Variants in TIAM2 observed in about 807,000 individuals in gnomAD.
The protein encoded by TIAM2 is TIAM Rac1 associated GEF 2.
TIAM2 carries 80 observed loss-of-function variants against 152.9 expected under a neutral mutation model. The observed-to-expected ratio is 0.52, with a 90% CI of 0.44 to 0.63. The LOEUF (loss-of-function observed/expected upper bound fraction) is 0.63, where lower values mean the gene tolerates loss of function less well. Ranked by LOEUF, TIAM2 falls within the 30% of genes least tolerant of loss-of-function variation. TIAM2 has a pLI of 0.00. For missense variants in TIAM2, 1,965 were observed against 2,120.1 expected (o/e 0.93, Z 1.44); for synonymous variants, 804 against 838.0 (o/e 0.96, Z 0.70).
At chr6:155,081,486 A>T (rs1485873156) in intron 1 of TIAM2, among the ~76,000 whole-genome samples, 1 of 151,958 alleles carries the variant, frequency 6.6e-6, no homozygotes, top group Non-Finnish European at 1.5e-5. Context: ...AATGAGGTAA[A>T]GTTACCGTTT....
intron 7 of TIAM2, among the ~76,000 whole-genome samples, chr6:155,153,808 G>A (rs1780036292): frequency 6.6e-6 from 1 of 152,012 alleles, no homozygotes; most frequent in African/African-American, 2.4e-5. Flanking sequence ...TTTTAGTAGA[G>A]ATGGGGTTTC....
At chr6:154,996,170 C>T (rs2114829324) in intron 1 of TIAM2, among the ~76,000 whole-genome samples, 1 of 152,344 alleles carries the variant, frequency 6.6e-6, no homozygotes, top group East Asian at 1.9e-4. Context: ...GTCCATTCTT[C>T]CAGCCATTCG....
chr6:155,241,527 C>CT (rs1331879893), intron 16 of TIAM2, among the ~76,000 whole-genome samples: 1 of 152,166 alleles, frequency 6.6e-6, no homozygotes, highest in African/African-American at 2.4e-5. Flanking sequence ...TCTTCCAACT[C>CT]TGACGTGCTG....
At chr6:155,165,577 G>A (rs7749822) in intron 9 of TIAM2, among the ~76,000 whole-genome samples, 168 bp downstream of exon 9, 17,548 of 152,158 alleles carry the variant, frequency 0.12, 1,081 homozygotes, top group Middle Eastern at 0.16. Flanking sequence ...AGGCAGGAGG[G>A]CCACCTGAGC....
chr6:155,168,982 G>GTT, intron 9 of TIAM2: 11 of 1,340,020 alleles, frequency 8.2e-6, no homozygotes, highest in East Asian at 2.6e-5. Context: ...AACTTTTTCT[G>GTT]TTTTTTTTTG....
At chr6:155,175,082 T>C (rs914114886) in intron 9 of TIAM2, among the ~76,000 whole-genome samples, 2 of 152,186 alleles carry the variant, frequency 1.3e-5, no homozygotes, top group Admixed American at 6.5e-5. Context: ...GCAGAGAGTG[T>C]CCGGGCTGGT....
chr6:155,051,529 A>C (rs941899864), intron 1 of TIAM2, among the ~76,000 whole-genome samples: 1 of 152,184 alleles, frequency 6.6e-6, no homozygotes, highest in Admixed American at 6.5e-5. Flanking sequence ...GCCAGGACGG[A>C]GACCCAAATC....
chr6:155,256,682 A>AT lies in TIAM2; in HGVS notation c.4671dup (p.Ala1558CysfsTer9), dbSNP rs1402898929. 6.2e-7 allele frequency: 1 copy of AT among 1,614,204 alleles called. No individual in the cohort carries two copies. Among genetic ancestry groups the AT allele is most frequent in the Admixed American group, 1.7e-5 (1 of 60,030 alleles). ...AAATACCCACACCCCGGCTTGGCAG[A>AT]TTTTGCCGACAATCTCATCAAAGAG... On this transcript the variant is annotated frameshift_variant, in exon 27 of 27. Transcript: ENST00000682666. LOFTEE classifies it low-confidence loss of function (END_TRUNC).
At chr6:155,223,052 T>C (rs1782112638) in intron 15 of TIAM2, among the ~76,000 whole-genome samples, 1 of 152,194 alleles carries the variant, frequency 6.6e-6, no homozygotes, top group South Asian at 2.1e-4. Context: ...AGGAACTTAT[T>C]TCAAGCAGAC....
At chr6:155,222,207 G>C (rs1414340680) in intron 15 of TIAM2, among the ~76,000 whole-genome samples, 1 of 151,966 alleles carries the variant, frequency 6.6e-6, no homozygotes, top group Non-Finnish European at 1.5e-5. Flanking sequence ...ACACTCTTCA[G>C]CCTCCCAAAG....
At chr6:155,068,028 C>T (rs1249002188) in intron 1 of TIAM2, among the ~76,000 whole-genome samples, 2 of 152,266 alleles carry the variant, frequency 1.3e-5, no homozygotes, top group Non-Finnish European at 2.9e-5. Flanking sequence ...AGTCAAGTTT[C>T]AGGCTAAGAA....
intron 1 of TIAM2, among the ~76,000 whole-genome samples, chr6:155,056,316 C>T (rs994811946): frequency 8.6e-5 from 13 of 151,280 alleles, no homozygotes; most frequent in African/African-American, 1.7e-4. Context: ...GGACTGTCGG[C>T]GCCTACCACC....
Position 155,028,161 on chromosome 6 carries a change from C to T in TIAM2, c.-209+32669C>T, listed in dbSNP as rs1200114531. Among the ~76,000 whole-genome samples, 2 of 109,336 alleles carry T rather than the reference C, an allele frequency of 1.8e-5. 1 individual carries two copies. Among genetic ancestry groups the T allele is most frequent in the Non-Finnish European group, 3.6e-5 (2 of 55,332 alleles). The allele number at this position is 109,336 out of a possible 152,430, so 71.7% of individuals were successfully genotyped here. ...TAATATATGTACTGTTACATATATA[C>T]TACATATAATATATGTACTGTGTTA... On this transcript the variant is annotated intron_variant, in intron 1 of 26. Transcript: ENST00000682666.
intron 14 of TIAM2, among the ~76,000 whole-genome samples, chr6:155,199,818 G>T (rs867181514): frequency 6.6e-6 from 1 of 152,190 alleles, no homozygotes; most frequent in East Asian, 1.9e-4. Context: ...ATAATAGCAG[G>T]CTGTCTCAAT....
intron 1 of TIAM2, among the ~76,000 whole-genome samples, chr6:155,073,928 G>T (rs1431630472): frequency 1.3e-5 from 2 of 152,090 alleles, no homozygotes; most frequent in Non-Finnish European, 2.9e-5. Flanking sequence ...TCCCTTTGAG[G>T]CTGGTAGGTG....
chr6:155,082,770 C>T (rs537950624), intron 1 of TIAM2, among the ~76,000 whole-genome samples: 10 of 152,000 alleles, frequency 6.6e-5, no homozygotes, highest in Admixed American at 6.6e-4. Context: ...TTTGGTAGTT[C>T]CTTTAGCTGT....
chr6:155,087,021 G>T (rs1298051253), intron 1 of TIAM2, among the ~76,000 whole-genome samples: 1 of 152,156 alleles, frequency 6.6e-6, no homozygotes, highest in Non-Finnish European at 1.5e-5. Context: ...CGAGGCAATT[G>T]CCTATATCAG....
rs773325718 is a variant in TIAM2, at chr6:155,186,501, C to G, written c.3064+3001C>G. Among the ~76,000 whole-genome samples, 19 of 152,170 alleles carry G rather than the reference C, an allele frequency of 1.2e-4. No homozygotes were observed. Among genetic ancestry groups the G allele is most frequent in the Admixed American group, 3.3e-4 (5 of 15,284 alleles). On this transcript the variant is annotated intron_variant, in intron 14 of 26. Coordinates refer to ENST00000682666, the MANE Select transcript of TIAM2 (RefSeq NM_012454.4). The surrounding 1 kb of genome is among the most constrained non-coding windows in gnomAD (Gnocchi z 4.5). Reference sequence around the variant, plus strand: ...TCTGTACTCAAGTCCTTGACTCAGACTCTGCTTTTAGGGGAGCCCGAATGA... The same window carrying G: ...TCTGTACTCAAGTCCTTGACTCAGAGTCTGCTTTTAGGGGAGCCCGAATGA...
At chr6:155,250,451 G>A in intron 21 of TIAM2, 2 of 1,130,490 alleles carry the variant, frequency 1.8e-6, no homozygotes, top group Non-Finnish European at 2.5e-6. Context: ...AAGTAGCATA[G>A]TTTAGGGAGA....
Sources: allele counts gnomAD v4.1 joint callset (sites outside exome capture counted in the v4.1 genomes callset), GRCh38; gene constraint gnomAD v4.1.1; non-coding constraint Gnocchi (gnomAD v3.1); transcripts MANE v1.5; gene names NCBI Gene and HGNC (gene_info 2026-07-23, HGNC 2026-07-21).